The following AUTS2 variants were observed in gnomAD, a reference collection of about 807,000 sequenced individuals.
AUTS2 encodes the protein autism susceptibility gene 2 protein.
AUTS2 carries 17 observed loss-of-function variants against 112.4 expected under a neutral mutation model. The ratio of observed to expected loss-of-function variants is 0.15; its 90% confidence interval spans 0.10 to 0.23. The LOEUF (loss-of-function observed/expected upper bound fraction) is 0.23. Among genes scored for constraint, AUTS2 ranks in the 10% least tolerant of loss-of-function variants. The pLI is 1.00. For synonymous variants in AUTS2, 751 were observed against 702.7 expected (o/e 1.07, Z -1.09); for missense variants, 1,510 against 1,701.6 (o/e 0.89, Z 1.98).
intron 6 of AUTS2, among the ~76,000 whole-genome samples, chr7:70,720,106 C>G (rs1356650696): frequency 2.0e-5 from 3 of 152,076 alleles, no homozygotes; most frequent in Non-Finnish European, 2.9e-5. Context: ...CTTTAAAAAG[C>G]CTTTCCTGCC....
At chr7:70,773,915 A>C (rs1790522675) in intron 11 of AUTS2, 113 bp from the exon 12 acceptor site, 1 of 997,406 alleles carries the variant, frequency 1.0e-6, no homozygotes, top group South Asian at 1.4e-5. Context: ...GCGTTTCAGA[A>C]GGAAACAAAC....
At chr7:70,191,536 A>G (rs987448465) in intron 4 of AUTS2, among the ~76,000 whole-genome samples, 12 of 152,228 alleles carry the variant, frequency 7.9e-5, no homozygotes, top group Non-Finnish European at 1.6e-4. Context: ...ACATCAAATT[A>G]TCAACTTTCA....
At chr7:70,422,157 C>A (rs1198724935) in intron 4 of AUTS2, among the ~76,000 whole-genome samples, 1 of 152,150 alleles carries the variant, frequency 6.6e-6, no homozygotes, top group Non-Finnish European at 1.5e-5. Flanking sequence ...TTTGGATCTT[C>A]TTGAACCATT....
Position 70,763,193 on chromosome 7 carries a change from C to A in AUTS2, c.1066C>A (p.Pro356Thr). 1 of 1,614,070 alleles carries A rather than the reference C, an allele frequency of 6.2e-7. No homozygotes were observed. The highest frequency in any genetic ancestry group is 1.3e-5 in the African/African-American group (1 of 75,034). Residue 356 changes from proline to threonine, a missense_variant, in exon 7 of 19, where the codon CCT becomes ACT. Physicochemically the swap from Pro to Thr is conservative, Grantham distance 38. This residue lies in a region of AUTS2 where 535 missense variants were observed against 594.3 expected (regional missense o/e 0.90). Coordinates refer to ENST00000342771, the MANE Select transcript of AUTS2 (RefSeq NM_015570.4). ...PEAQLQPAPQ[P>T]QVQRPPRPQS... ...GGCCCAGCTCCAGCCTGCCCCGCAG[C>A]CTCAGGTGCAGAGGCCACCCAGGCC... is the stretch of plus-strand genomic sequence containing the variant.
chr7:70,772,325 C>A (rs527821525), intron 11 of AUTS2, among the ~76,000 whole-genome samples: 1 of 152,216 alleles, frequency 6.6e-6, no homozygotes, highest in Non-Finnish European at 1.5e-5. Flanking sequence ...TCTGTTCTAC[C>A]TAGTCAGTGA....
intron 4 of AUTS2, among the ~76,000 whole-genome samples, chr7:70,270,648 A>G (rs765421442): frequency 6.6e-6 from 1 of 152,138 alleles, no homozygotes; most frequent in Non-Finnish European, 1.5e-5. Context: ...GTGGAAGAAT[A>G]TCTTGGAGAG....
chr7:69,996,575 C>T (rs1798950538), intron 2 of AUTS2, among the ~76,000 whole-genome samples: 2 of 152,252 alleles, frequency 1.3e-5, no homozygotes, highest in Middle Eastern at 3.4e-3. Context: ...CTCCCCACTG[C>T]CCACTGCCAG....
At chr7:69,986,172 T>G (rs1798507818) in intron 2 of AUTS2, among the ~76,000 whole-genome samples, 1 of 152,222 alleles carries the variant, frequency 6.6e-6, no homozygotes, top group South Asian at 2.1e-4. Flanking sequence ...TATTATTATT[T>G]TCTTCTGACT....
chr7:70,579,127 C>G (rs1437072386), intron 5 of AUTS2, among the ~76,000 whole-genome samples: 3 of 150,286 alleles, frequency 2.0e-5, no homozygotes, highest in Non-Finnish European at 4.4e-5. Flanking sequence ...CAGGGTTTCA[C>G]CATGTTGGCC....
chr7:70,588,219 G>GA (rs534661113), intron 5 of AUTS2, among the ~76,000 whole-genome samples: 3 of 152,200 alleles, frequency 2.0e-5, no homozygotes, highest in Non-Finnish European at 2.9e-5. Flanking sequence ...CTCGAGCAAA[G>GA]AAAGAAATCG....
At chr7:70,651,084 C>T (rs1389323898) in intron 5 of AUTS2, among the ~76,000 whole-genome samples, 1 of 152,196 alleles carries the variant, frequency 6.6e-6, no homozygotes, top group Non-Finnish European at 1.5e-5. Flanking sequence ...AGTTATTGAG[C>T]ACTTGCTGTT....
chr7:70,065,554 G>A (rs769807310), intron 2 of AUTS2, among the ~76,000 whole-genome samples: 16 of 151,970 alleles, frequency 1.1e-4, no homozygotes, highest in Non-Finnish European at 1.6e-4. Flanking sequence ...AATTTAGCTG[G>A]GTGTGGTGGC....
At chr7:70,152,804 T>C (rs779706803) in intron 4 of AUTS2, among the ~76,000 whole-genome samples, 1 of 152,118 alleles carries the variant, frequency 6.6e-6, no homozygotes, top group Non-Finnish European at 1.5e-5. Context: ...ATAATAGGTA[T>C]ATAGTAATAT....
intron 5 of AUTS2, among the ~76,000 whole-genome samples, chr7:70,488,107 C>T (rs1798086888): frequency 6.6e-6 from 1 of 152,234 alleles, no homozygotes; most frequent in African/African-American, 2.4e-5. Flanking sequence ...GCCTAGCAAG[C>T]TCACAGGCAG....
At chr7:69,771,639 A>T (rs1246759806) in intron 1 of AUTS2, among the ~76,000 whole-genome samples, 1 of 152,180 alleles carries the variant, frequency 6.6e-6, no homozygotes, top group Non-Finnish European at 1.5e-5. Flanking sequence ...TTGGAGGACA[A>T]CAGGGAGTTT....
chr7:70,174,029 T>C (rs1392954249), intron 4 of AUTS2, among the ~76,000 whole-genome samples: 1 of 152,218 alleles, frequency 6.6e-6, no homozygotes, highest in African/African-American at 2.4e-5. Context: ...TGATTTAGCT[T>C]AGTAAGGAAG....
intron 4 of AUTS2, among the ~76,000 whole-genome samples, chr7:70,411,492 A>T (rs1794773408): frequency 6.6e-6 from 1 of 152,188 alleles, no homozygotes; most frequent in Admixed American, 6.5e-5. Context: ...TGCAGATACT[A>T]GAAGGGCACA....
chr7:69,708,224 A>C lies in AUTS2; in HGVS notation c.309+108262A>C, dbSNP rs145451733. 1.5e-3 allele frequency among the ~76,000 whole-genome samples: 236 copies of C among 152,354 alleles called. 3 individuals are homozygous for C. Among genetic ancestry groups the C allele is most frequent in the African/African-American group, 5.5e-3 (230 of 41,588 alleles). ...TTTGTTAATATCTACAGAAACACAC[A>C]CAGGAAAAATATTCTAGAGCATCAT... On this transcript the variant is annotated intron_variant, in intron 1 of 18. Coordinates refer to ENST00000342771, the MANE Select transcript of AUTS2 (RefSeq NM_015570.4).
chr7:70,718,904 A>G (rs1810520459), intron 6 of AUTS2, among the ~76,000 whole-genome samples: 1 of 152,076 alleles, frequency 6.6e-6, no homozygotes, highest in Admixed American at 6.5e-5. Flanking sequence ...TTTCTTCATC[A>G]TTATCCTGGG....
Sources: gnomAD v4.1 joint callset for allele counts (sites outside exome capture counted in the v4.1 genomes callset) on GRCh38, gnomAD v4.1.1 for gene constraint, gnomAD v4.1.1 regional missense constraint, MANE v1.5 for transcripts, NCBI Gene and HGNC (gene_info 2026-07-23, HGNC 2026-07-21) for gene names.